The following CCDC73 variants were observed in gnomAD, a reference collection of about 807,000 sequenced individuals.
CCDC73 encodes the protein coiled-coil domain containing 73.
In CCDC73, 95 loss-of-function variants were observed where a neutral mutation model predicts 116.5. The ratio of observed to expected loss-of-function variants is 0.82; its 90% CI spans 0.69 to 0.97. CCDC73 has a LOEUF of 0.97. CCDC73 is among the 50% of genes least tolerant of loss of function. The probability of loss-of-function intolerance (pLI) is 0.00; values close to 1 mark genes in which losing one functional copy is unlikely to be tolerated. For synonymous variants in CCDC73, 398 were observed against 401.3 expected, an observed-to-expected ratio of 0.99 and a Z score of 0.10; for missense variants, 1,066 against 1,206.8, an observed-to-expected ratio of 0.88 and a Z score of 1.73.
intron 12 of CCDC73, among the ~76,000 whole-genome samples, chr11:32,652,520 A>G (rs924224703): frequency 5.9e-5 from 9 of 152,064 alleles, no homozygotes; most frequent in Non-Finnish European, 1.3e-4. Context: ...TTTCCTGTAC[A>G]TTTCTTCACT....
chr11:32,743,889 T>A (rs1056901006), intron 2 of CCDC73, among the ~76,000 whole-genome samples: 6 of 152,232 alleles, frequency 3.9e-5, no homozygotes, highest in African/African-American at 1.4e-4. Context: ...CCTATTTGAA[T>A]ACCCTTTATT....
intron 1 of CCDC73, among the ~76,000 whole-genome samples, chr11:32,774,605 C>T (rs1173359385): frequency 6.6e-6 from 1 of 150,906 alleles, no homozygotes; most frequent in African/African-American, 2.4e-5. Flanking sequence ...AGATGAAAAG[C>T]AAATATAAGA....
At chr11:32,634,923 T>A (rs1462286813) in intron 14 of CCDC73, among the ~76,000 whole-genome samples, 1 of 152,160 alleles carries the variant, frequency 6.6e-6, no homozygotes, top group Non-Finnish European at 1.5e-5. Context: ...GGAGTTCATG[T>A]ACAGCCTGGA....
the CCDC73 span, chr11:32,830,537 C>T: frequency 1.3e-6 from 2 of 1,572,624 alleles, no homozygotes; most frequent in Non-Finnish European, 1.7e-6. Context: ...ACTATGTTTA[C>T]GCTTCTGGTT....
chr11:32,653,716 T>C (rs1023599846), intron 11 of CCDC73, among the ~76,000 whole-genome samples: 5 of 152,176 alleles, frequency 3.3e-5, no homozygotes, highest in Admixed American at 1.3e-4. Context: ...GAGAGTATAA[T>C]GTCCTGAAAA....
upstream of CCDC73, among the ~76,000 whole-genome samples, chr11:32,796,557 C>G (rs762058085): frequency 2.6e-4 from 40 of 152,122 alleles, no homozygotes; most frequent in Non-Finnish European, 4.9e-4. Flanking sequence ...CCCTCCTAAC[C>G]CCATGCAATT....
chr11:32,718,034 T>G, intron 3 of CCDC73, 42 bp downstream of exon 3: 953 of 1,349,050 alleles, frequency 7.1e-4, no homozygotes, highest in Non-Finnish European at 9.0e-4. Flanking sequence ...CAATTCAAGA[T>G]GAGATTTGGC....
intron 12 of CCDC73, among the ~76,000 whole-genome samples, chr11:32,645,427 G>A (rs1024886056): frequency 2.0e-5 from 3 of 151,780 alleles, no homozygotes; most frequent in Non-Finnish European, 2.9e-5. Context: ...GAGTAGCTGG[G>A]ATTACAGGTG....
chr11:32,764,840 C>A (rs942654912), intron 1 of CCDC73, among the ~76,000 whole-genome samples: 5 of 152,236 alleles, frequency 3.3e-5, no homozygotes, highest in South Asian at 2.1e-4. Context: ...AGGGTCAAGA[C>A]CCATCAGTGT....
At chr11:32,653,347 C>A (rs1050507945) in intron 11 of CCDC73, 120 bp from the exon 12 acceptor site, 8 of 561,498 alleles carry the variant, frequency 1.4e-5, no homozygotes, top group Non-Finnish European at 2.1e-5. Flanking sequence ...AATTTCAATA[C>A]TTTATATTAA....
chr11:32,603,153 C>T, intron 17 of CCDC73, 133 bp from the exon 18 acceptor site: 1 of 655,282 alleles, frequency 1.5e-6, no homozygotes, highest in Non-Finnish European at 2.6e-6. Context: ...CTTAGTAGTT[C>T]TGGCACCAGA....
rs182472147 is a variant in CCDC73 at position 32,697,218 on chromosome 11, G to A, written c.390+2033C>T. On this transcript the variant is annotated intron_variant, in intron 6 of 17. Coordinates refer to ENST00000335185, the MANE Select transcript of CCDC73 (RefSeq NM_001008391.4). ...TTTGTTTTTTCTGAACTATCTGAAA[G>A]TAAGTTGCAGCTAATAGGTGATTTC... Among the ~76,000 whole-genome samples the A allele has an allele frequency of 7.4e-5, 11 of 148,456 alleles. 1 individual carries two copies. Among genetic ancestry groups the A allele is most frequent in the Admixed American group, 6.6e-4 (10 of 15,132 alleles).
chr11:32,818,453 G>A, the CCDC73 span, among the ~76,000 whole-genome samples: 1 of 152,190 alleles, frequency 6.6e-6, no homozygotes, highest in Admixed American at 6.5e-5. Flanking sequence ...CAAGTCAAGT[G>A]CTTAGCCAAG....
At position 32,639,589 on chromosome 11, in the gene CCDC73, C is replaced by T. The variant is rs1855714285; in HGVS notation, c.1050+2383G>A. ...TCAGCCTCCCAAGCAGCTGGGATTA[C>T]AGGTGCCCACCACCACGCCCGGCTA... On this transcript the variant is annotated intron_variant, in intron 13 of 17. Transcript: ENST00000335185. 2.6e-5 allele frequency among the ~76,000 whole-genome samples: 4 copies of T among 152,168 alleles called. No individual in the cohort carries two copies. The South Asian group carries it at 8.3e-4, about 32-fold the overall frequency.
the CCDC73 span, among the ~76,000 whole-genome samples, chr11:32,813,726 T>C: frequency 6.6e-6 from 1 of 152,240 alleles, no homozygotes; most frequent in Non-Finnish European, 1.5e-5. Context: ...AAATTGTCCA[T>C]GTTTCTGTTA....
intron 2 of CCDC73, among the ~76,000 whole-genome samples, chr11:32,729,497 G>C (rs1315678503): frequency 6.6e-6 from 1 of 152,110 alleles, no homozygotes; most frequent in Admixed American, 6.6e-5. Flanking sequence ...GCATGTATTA[G>C]TATTTTTATA....
intron 1 of CCDC73, among the ~76,000 whole-genome samples, chr11:32,781,840 A>G (rs1288982633): frequency 1.3e-5 from 2 of 152,214 alleles, no homozygotes; most frequent in Non-Finnish European, 2.9e-5. Context: ...TTTCTAAGGC[A>G]GAAGTCCCCA....
At chr11:32,603,216 A>T in intron 17 of CCDC73, 196 bp from the exon 18 acceptor site, 1 of 491,134 alleles carries the variant, frequency 2.0e-6, no homozygotes, top group Non-Finnish European at 3.6e-6. Flanking sequence ...CAAAATCTCT[A>T]ATATATAACT....
chr11:32,795,590 T>C (rs1850719438), upstream of CCDC73, among the ~76,000 whole-genome samples: 1 of 152,204 alleles, frequency 6.6e-6, no homozygotes, highest in Non-Finnish European at 1.5e-5. Flanking sequence ...TGTTTCAGTA[T>C]GTTATGTTGA....
Sources: gnomAD v4.1 joint callset for allele counts (sites outside exome capture counted in the v4.1 genomes callset) on GRCh38, gnomAD v4.1.1 for gene constraint, MANE v1.5 for transcripts, NCBI Gene and HGNC (gene_info 2026-07-23, HGNC 2026-07-21) for gene names.